The following CDKL5 variants were observed in gnomAD, a reference collection of about 807,000 sequenced individuals.
CDKL5 encodes cyclin dependent kinase like 5.
In CDKL5, 8 loss-of-function variants were observed where a neutral mutation model predicts 61.7. The observed-to-expected ratio is 0.13, with a 90% CI of 0.08 to 0.23. CDKL5 has a LOEUF of 0.23. Ranked by LOEUF, CDKL5 falls within the 10% of genes least tolerant of loss-of-function variation. The pLI is 1.00. For synonymous variants in CDKL5, 275 were observed against 272.3 expected (o/e 1.01, Z -0.10); for missense variants, 440 against 734.5 (o/e 0.60, Z 4.63).
At chrX:18,596,603 A>G (rs1392725933) in intron 10 of CDKL5, among the ~76,000 whole-genome samples, 1 of 112,360 alleles carries the variant, frequency 8.9e-6, no homozygotes, top group Non-Finnish European at 1.9e-5. Context: ...GTCATAAATT[A>G]TCACTTAAAT....
chrX:18,506,651 GTAGA>G (rs1470917331), intron 1 of CDKL5, among the ~76,000 whole-genome samples: 2 of 111,937 alleles, frequency 1.8e-5, no homozygotes, highest in Non-Finnish European at 3.8e-5. Flanking sequence ...CTTTAGGAGA[GTAGA>G]TAGTGAAAAT....
Position 18,629,147 on chromosome X carries a change from C to T in CDKL5, c.*390C>T. 1 of 768,592 alleles carries T rather than the reference C, an allele frequency of 1.3e-6. No homozygotes were observed. Among genetic ancestry groups the T allele is most frequent in the Non-Finnish European group, 1.5e-6 (1 of 648,370 alleles). The allele number at this position is 768,592 out of a possible 1,213,427, so 63.3% of individuals were successfully genotyped here. ...GATAGGAAAGTCGTGTTGACCGATGCCCTTACTACATATTTTTTTCTGCCT... is the reference window on the plus strand; with the variant it reads ...GATAGGAAAGTCGTGTTGACCGATGTCCTTACTACATATTTTTTTCTGCCT... On this transcript the variant is annotated 3_prime_UTR_variant, in exon 18 of 18. Transcript: ENST00000623535.
At chrX:18,550,723 T>G (rs1485655853) in intron 3 of CDKL5, among the ~76,000 whole-genome samples, 2 of 112,809 alleles carry the variant, frequency 1.8e-5, no homozygotes, top group Admixed American at 1.9e-4. Flanking sequence ...TCTCAGTTAC[T>G]TGATCACTAG....
intron 3 of CDKL5, among the ~76,000 whole-genome samples, chrX:18,524,446 A>AGTT (rs1346644053): frequency 2.7e-5 from 3 of 111,894 alleles, no homozygotes. Context: ...CAAGCTCATT[A>AGTT]GTTGTTTTTG....
At chrX:18,588,452 T>C (rs1602276400) in intron 9 of CDKL5, 1 of 201,209 alleles carries the variant, frequency 5.0e-6, no homozygotes, top group East Asian at 1.3e-4. Context: ...ATCCAAAATA[T>C]TAAGCATCCC....
intron 9 of CDKL5, among the ~76,000 whole-genome samples, chrX:18,592,828 G>A (rs1380993888): frequency 8.9e-6 from 1 of 112,070 alleles, no homozygotes; most frequent in Non-Finnish European, 1.9e-5. Context: ...AGTGTGATGT[G>A]CATTTGAAGT....
intron 19 of CDKL5, among the ~76,000 whole-genome samples, chrX:18,645,566 T>C (rs930074467): frequency 3.5e-4 from 38 of 109,533 alleles, no homozygotes; most frequent in African/African-American, 1.2e-3. Flanking sequence ...ATCTATTGGC[T>C]CCATCTCCAA....
At chrX:18,587,157 G>A (rs1310285201) in intron 8 of CDKL5, among the ~76,000 whole-genome samples, 2 of 110,730 alleles carry the variant, frequency 1.8e-5, no homozygotes, top group Admixed American at 9.7e-5. Context: ...GTGTGTGAGC[G>A]TGCACGCGTG....
At position 18,609,742 on chromosome X, in the gene CDKL5, C is replaced by A. The variant is rs79558557; in HGVS notation, c.2152+172C>A. Among the ~76,000 whole-genome samples the A allele has an allele frequency of 0.022, 2,466 of 111,829 alleles. 69 individuals are homozygous for A. The highest frequency in any genetic ancestry group is 0.18 in the East Asian group (637 of 3,505). ...CAGGCCCTCCTGGCTTATGAATTGG[C>A]CTCCTTAGGTAGCCTCTTAACTGGT... is the stretch of plus-strand genomic sequence containing the variant. On this transcript the variant is annotated intron_variant, in intron 14 of 17. Coordinates refer to ENST00000623535, the MANE Select transcript of CDKL5 (RefSeq NM_001323289.2).
chrX:18,472,588 A>G (rs1921135057), intron 1 of CDKL5, among the ~76,000 whole-genome samples: 1 of 111,303 alleles, frequency 9.0e-6, no homozygotes, highest in African/African-American at 3.3e-5. Context: ...TTTTCAGGAG[A>G]TCTAAATTTG....
chrX:18,510,032 A>G (rs1335069458), intron 2 of CDKL5, among the ~76,000 whole-genome samples: 1 of 110,367 alleles, frequency 9.1e-6, no homozygotes, highest in Non-Finnish European at 1.9e-5. Context: ...AAAAAAAAAA[A>G]AGAGGGGCAT....
At chrX:18,530,997 C>A (rs908802681) in intron 3 of CDKL5, among the ~76,000 whole-genome samples, 3 of 111,965 alleles carry the variant, frequency 2.7e-5, no homozygotes, top group Non-Finnish European at 5.6e-5. Context: ...TGTACTGGAG[C>A]TCTGTTGACA....
chrX:18,523,770 A>G (rs1923335503), intron 3 of CDKL5, among the ~76,000 whole-genome samples: 1 of 111,848 alleles, frequency 8.9e-6, no homozygotes, highest in Non-Finnish European at 1.9e-5. Flanking sequence ...AGTTATTTAT[A>G]CCTTTGGTTA....
At chrX:18,642,545 G>A (rs146827400), downstream of CDKL5, among the ~76,000 whole-genome samples, 1,520 of 111,890 alleles carry the variant, frequency 0.014, 9 homozygotes, top group South Asian at 0.026. Context: ...TTGACTCATC[G>A]CTTTTGAGTT....
At chrX:18,518,553 C>T (rs1408241028) in intron 3 of CDKL5, among the ~76,000 whole-genome samples, 5 of 105,902 alleles carry the variant, frequency 4.7e-5, no homozygotes, top group African/African-American at 1.0e-4. Context: ...TACAGGTGCC[C>T]GCTACCATGC....
chrX:18,597,539 GA>G (rs1926036973), intron 10 of CDKL5, among the ~76,000 whole-genome samples: 1 of 102,948 alleles, frequency 9.7e-6, no homozygotes, highest in Non-Finnish European at 2.0e-5. Context: ...TGTAAAAGAA[GA>G]AACTTTAAAA....
chrX:18,545,640 A>G (rs1277199363), intron 3 of CDKL5, among the ~76,000 whole-genome samples: 1 of 112,670 alleles, frequency 8.9e-6, no homozygotes, highest in Admixed American at 9.4e-5. Context: ...ATTTACATGC[A>G]TATTCTATGT....
At chrX:18,449,420 G>A (rs1931956543) in intron 1 of CDKL5, among the ~76,000 whole-genome samples, 1 of 112,095 alleles carries the variant, frequency 8.9e-6, no homozygotes, top group Non-Finnish European at 1.9e-5. Flanking sequence ...TCATGGCCGA[G>A]AATGTCTTTT....
chrX:18,492,187 G>A lies in CDKL5; in HGVS notation c.-162-14748G>A, dbSNP rs181440143. 4.1e-3 allele frequency among the ~76,000 whole-genome samples: 453 copies of A among 111,309 alleles called. 2 individuals are homozygous for A. Among genetic ancestry groups the A allele is most frequent in the African/African-American group, 0.014 (439 of 30,685 alleles). On this transcript the variant is annotated intron_variant, in intron 1 of 17. Coordinates refer to ENST00000623535, the MANE Select transcript of CDKL5 (RefSeq NM_001323289.2). The stretch of plus-strand genomic sequence containing the variant: ...TTGGTTTTTGCTAATGTAAAAAATT[G>A]TATCTCAGTGTGGTTTTAATCTTCT...
Sources: gnomAD v4.1 joint callset for allele counts (sites outside exome capture counted in the v4.1 genomes callset) on GRCh38, gnomAD v4.1.1 for gene constraint, MANE v1.5 for transcripts, NCBI Gene and HGNC (gene_info 2026-07-23, HGNC 2026-07-21) for gene names.